TP53BP1: variants seen among roughly 807,000 people sequenced by gnomAD.
TP53BP1 encodes the protein tumor protein p53 binding protein 1.
Under a neutral mutation model 200.8 loss-of-function variants are expected in TP53BP1, and 61 were observed. The ratio of observed to expected loss-of-function variants is 0.30; its 90% CI spans 0.25 to 0.38. The LOEUF is 0.38. Among genes scored for constraint, TP53BP1 ranks in the 10% least tolerant of loss-of-function variants. TP53BP1 has a pLI of 1.00. For synonymous variants in TP53BP1, 822 were observed against 844.3 expected (o/e 0.97, Z 0.46); for missense variants, 2,144 against 2,371.9 (o/e 0.90, Z 2.00).
Position 43,420,617 on chromosome 15 carries a change from C to T in TP53BP1, c.4369G>A (p.Val1457Met), listed in dbSNP as rs962184123. The change falls in exon 21 of 28, where the codon GTG becomes ATG. Residue 1457 changes from valine to methionine, a missense_variant. Coordinates refer to ENST00000382044, the MANE Select transcript of TP53BP1 (RefSeq NM_001141980.3). ...RVPDSTRRTD[V>M]GAGALRRSDS... ...CTACGACGCAAAGCACCAGCACCCA[C>T]ATCTGTTCGTCTGGTGGAGTCTGGC... is the stretch of plus-strand genomic sequence containing the variant. 6.2e-6 allele frequency: 10 copies of T among 1,614,072 alleles called. No homozygotes were observed. Among genetic ancestry groups the T allele is most frequent in the Non-Finnish European group, 8.5e-6 (10 of 1,180,050 alleles).
rs2044739373 is a variant in TP53BP1, at chr15:43,403,400, ACT to A, written c.*3981_*3982del. 4 of 256,820 alleles carry A rather than the reference ACT, an allele frequency of 1.6e-5. No homozygotes were observed. The highest frequency in any genetic ancestry group is 1.1e-4 in the Admixed American group (2 of 18,768). 15.9% of individuals were successfully genotyped at this position (256,820 alleles called of 1,614,324 possible). A position where few individuals can be genotyped will look rare whatever the true frequency, so the allele number is the denominator to read the frequency against. On this transcript the variant is annotated 3_prime_UTR_variant, in exon 28 of 28. Coordinates refer to ENST00000382044, the MANE Select transcript of TP53BP1 (RefSeq NM_001141980.3). ...ACTCACAGCTCAGAGGCAGGAAGAC[ACT>A]CTGCGGGTCTAAGAAATGAAGAGTT...
At chr15:43,446,815 A>G in intron 13 of TP53BP1, 1 of 1,487,022 alleles carries the variant, frequency 6.7e-7, no homozygotes, top group Non-Finnish European at 9.0e-7. Flanking sequence ...GCATCTGGAC[A>G]AAGGATGCTG....
At position 43,458,375 on chromosome 15, in the gene TP53BP1, G is replaced by T. The variant is rs1290420315; in HGVS notation, c.1390-1157C>A. Among the ~76,000 whole-genome samples the T allele has an allele frequency of 2.6e-5, 4 of 152,008 alleles. No individual in the cohort carries two copies. The East Asian group carries it at 7.7e-4, about 29-fold the overall frequency. On this transcript the variant is annotated intron_variant, in intron 11 of 27. Coordinates refer to ENST00000382044, the MANE Select transcript of TP53BP1 (RefSeq NM_001141980.3). ...TGAACCCAGGAGGCAGAAGGCAGAG[G>T]TTGCAGTGAGCTGAGATCGTGACAT...
At chr15:43,483,233 AAC>A (rs71431896) in intron 4 of TP53BP1, among the ~76,000 whole-genome samples, 10,521 of 142,734 alleles carry the variant, frequency 0.074, 421 homozygotes, top group East Asian at 0.092. Context: ...AAAAGTACAG[AAC>A]ACACACACAC....
rs191500618 is a variant in TP53BP1, at chr15:43,455,249, A to T, written c.2716+643T>A. On this transcript the variant is annotated intron_variant, in intron 12 of 27. Transcript: ENST00000382044. ...TTTACCACACAGAGTTAATCAAAAA[A>T]GATCCTTCTACTTCAAGGCAACTGT... is the stretch of plus-strand genomic sequence containing the variant. 3.9e-5 allele frequency among the ~76,000 whole-genome samples: 6 copies of T among 152,334 alleles called. No individual in the cohort carries two copies. In the East Asian group the frequency reaches 1.2e-3, roughly 29 times the overall value.
In TP53BP1 at chr15:43,405,449, T is replaced by G; in HGVS notation, c.*1934A>C. 1 of 580,386 alleles carries G rather than the reference T, an allele frequency of 1.7e-6. No homozygotes were observed. The highest frequency in any genetic ancestry group is 2.2e-5 in the South Asian group (1 of 45,498). 36.0% of individuals were successfully genotyped at this position (580,386 alleles called of 1,614,324 possible). ...CATGTGGCATCTCTGATCCTTTACA[T>G]TGAGAACATTTGTTGGATATGTTCA... is the stretch of plus-strand genomic sequence containing the variant. On this transcript the variant is annotated 3_prime_UTR_variant, in exon 28 of 28. Coordinates refer to ENST00000382044, the MANE Select transcript of TP53BP1 (RefSeq NM_001141980.3).
intron 9 of TP53BP1, among the ~76,000 whole-genome samples, 156 bp from the exon 10 acceptor site, chr15:43,474,923 A>G (rs567103975): frequency 1.3e-5 from 2 of 152,354 alleles, no homozygotes; most frequent in East Asian, 3.9e-4. Flanking sequence ...CTGGTGGAAG[A>G]ACCAAAAATA....
At chr15:43,491,608 G>C (rs1052234836) in intron 4 of TP53BP1, 61 bp downstream of exon 4, 2 of 1,238,302 alleles carry the variant, frequency 1.6e-6, no homozygotes. Context: ...GAGGCAACAG[G>C]TACAGATAAA....
intron 17 of TP53BP1, among the ~76,000 whole-genome samples, chr15:43,431,723 T>C (rs2045674564): frequency 6.6e-6 from 1 of 152,228 alleles, no homozygotes. Flanking sequence ...TCTATTCCTG[T>C]TACCATTCTT....
At chr15:43,420,191 G>A (rs2142991007) in intron 21 of TP53BP1, 114 bp downstream of exon 21, 1 of 1,038,512 alleles carries the variant, frequency 9.6e-7, no homozygotes, top group South Asian at 1.6e-5. Flanking sequence ...TGAAATTTCT[G>A]ACTTTAGAGA....
At chr15:43,443,591 G>A (rs1414709315) in intron 14 of TP53BP1, among the ~76,000 whole-genome samples, 5 of 151,960 alleles carry the variant, frequency 3.3e-5, no homozygotes, top group Non-Finnish European at 7.4e-5. Context: ...CCTACTCAGG[G>A]GGCTAAGATG....
upstream of TP53BP1, among the ~76,000 whole-genome samples, chr15:43,495,994 C>T (rs1240746874): frequency 6.6e-6 from 1 of 152,152 alleles, no homozygotes; most frequent in Non-Finnish European, 1.5e-5. Flanking sequence ...AAATAAACTA[C>T]AGGCAGAATG....
intron 25 of TP53BP1, 60 bp from the exon 26 acceptor site, chr15:43,409,156 G>C (rs879047878): frequency 1.2e-5 from 18 of 1,516,228 alleles, no homozygotes; most frequent in Non-Finnish European, 1.8e-6. Context: ...CTCCTAAGCA[G>C]CAGCCATAAT....
At chr15:43,495,495 T>TCACACACACACACACA (rs376410840), upstream of TP53BP1, among the ~76,000 whole-genome samples, 299 of 133,432 alleles carry the variant, frequency 2.2e-3, 1 homozygote, top group African/African-American at 4.4e-3. Context: ...TGAGACTCCG[T>TCACACACACACACACA]CACACACACA....
rs878966132 is a variant in TP53BP1 at position 43,415,748 on chromosome 15, A to G, written c.4935T>C (p.Thr1645=). Residue 1645 remains threonine (T), a synonymous_variant, in exon 23 of 28, where the codon ACT becomes ACC. Coordinates refer to ENST00000382044, the MANE Select transcript of TP53BP1 (RefSeq NM_001141980.3). ...GGGTTGTGCTGCTGCTACTGGAGGC[A>G]GTAGGGGTGGCTGGGGAGCTGACGT... ...RSNVSSPATP[T]ASSSSSTTPT... The G allele has an allele frequency of 3.1e-6, 5 of 1,614,066 alleles. No homozygotes were observed. The highest frequency in any genetic ancestry group is 4.2e-6 in the Non-Finnish European group (5 of 1,180,034).
chr15:43,423,601 T>G (rs535045530), intron 18 of TP53BP1, among the ~76,000 whole-genome samples: 1 of 149,770 alleles, frequency 6.7e-6, no homozygotes, highest in African/African-American at 2.5e-5. Flanking sequence ...GGAGCTGCAG[T>G]GAGCTAAGAT....
intron 11 of TP53BP1, among the ~76,000 whole-genome samples, chr15:43,468,003 T>G (rs1203454188): frequency 6.6e-6 from 1 of 152,176 alleles, no homozygotes; most frequent in Non-Finnish European, 1.5e-5. Context: ...CATGCTGGTC[T>G]TGAACTCCTG....
rs45570332 is a variant in TP53BP1, at chr15:43,475,844, G to A, written c.956-150C>T. The A allele has an allele frequency of 6.9e-3, 6,385 of 922,934 alleles. 107 individuals are homozygous for A. Among genetic ancestry groups the A allele is most frequent in the East Asian group, 0.047 (1,811 of 38,164 alleles). The allele number at this position is 922,934 out of a possible 1,614,324, so 57.2% of individuals were successfully genotyped here. ...AATTGTTTTCTAATTATAGTACAAC[G>A]AATGGACTACTACAATAGCACAAAT... On this transcript the variant is annotated intron_variant, in intron 8 of 27. Coordinates refer to ENST00000382044, the MANE Select transcript of TP53BP1 (RefSeq NM_001141980.3).
At chr15:43,466,239 G>C (rs995116888) in intron 11 of TP53BP1, among the ~76,000 whole-genome samples, 3 of 152,128 alleles carry the variant, frequency 2.0e-5, no homozygotes, top group African/African-American at 7.2e-5. Flanking sequence ...CAGGCATAGA[G>C]GGCAACAGTA....
Sources: gnomAD v4.1 joint callset for allele counts (sites outside exome capture counted in the v4.1 genomes callset) on GRCh38, gnomAD v4.1.1 for gene constraint, MANE v1.5 for transcripts, NCBI Gene and HGNC (gene_info 2026-07-23, HGNC 2026-07-21) for gene names.